CATSPERE: variants seen among roughly 807,000 people sequenced by gnomAD.
CATSPERE encodes the protein cation channel sperm-associated auxiliary subunit epsilon.
CATSPERE carries 93 observed loss-of-function variants against 114.1 expected under a neutral mutation model. That is an observed-to-expected ratio of 0.81 (90% CI 0.69 to 0.97). CATSPERE has a LOEUF of 0.97. Among genes scored for constraint, CATSPERE ranks in the 50% least tolerant of loss-of-function variants. The pLI, the probability that CATSPERE is intolerant of heterozygous loss-of-function variation, is 0.00. For missense variants in CATSPERE, 1,058 were observed against 1,131.6 expected (o/e 0.93, Z 0.93); for synonymous variants, 341 against 384.1 (o/e 0.89, Z 1.31).
intron 20 of CATSPERE, among the ~76,000 whole-genome samples, chr1:244,625,539 C>G (rs1673076744): frequency 6.8e-6 from 1 of 146,968 alleles, no homozygotes; most frequent in Non-Finnish European, 1.5e-5. Context: ...AGCAATTCTC[C>G]TGCCTCAGCC....
intron 20 of CATSPERE, among the ~76,000 whole-genome samples, chr1:244,629,503 C>CTTTTTTTTT (rs369560104): frequency 1.2e-5 from 1 of 82,326 alleles, no homozygotes; most frequent in Non-Finnish European, 2.3e-5. Flanking sequence ...TCTCTCTTAC[C>CTTTTTTTTT]TTTTTTTTTT....
intron 1 of CATSPERE, among the ~76,000 whole-genome samples, chr1:244,455,708 T>A (rs1423805876): frequency 6.6e-6 from 1 of 152,142 alleles, no homozygotes; most frequent in East Asian, 1.9e-4. Context: ...TTGTTTTGCC[T>A]ATCTTAATGT....
At chr1:244,602,406 G>T (rs1165181199) in intron 17 of CATSPERE, among the ~76,000 whole-genome samples, 1 of 152,188 alleles carries the variant, frequency 6.6e-6, no homozygotes, top group Admixed American at 6.5e-5. Context: ...TTGAGAATCA[G>T]CGGCAGGGGT....
At chr1:244,494,280 T>G (rs1672726585) in intron 6 of CATSPERE, among the ~76,000 whole-genome samples, 2 of 151,412 alleles carry the variant, frequency 1.3e-5, no homozygotes, top group South Asian at 4.2e-4. Flanking sequence ...CCATAAAAAA[T>G]GAAGAATTCA....
At chr1:244,583,764 T>A in intron 12 of CATSPERE, 100 bp from the exon 13 acceptor site, 1 of 1,053,668 alleles carries the variant, frequency 9.5e-7, no homozygotes, top group Non-Finnish European at 1.4e-6. Context: ...GGGAGGTCAA[T>A]CACACCGTGC....
At chr1:244,498,950 A>G in intron 6 of CATSPERE, 52 bp from the exon 7 acceptor site, 2 of 1,410,288 alleles carry the variant, frequency 1.4e-6, no homozygotes, top group Non-Finnish European at 2.0e-6. Flanking sequence ...CCACAACTAA[A>G]AAAGAAATTT....
Position 244,607,342 on chromosome 1 carries a change from G to A in CATSPERE, c.2403+1548G>A, listed in dbSNP as rs74602269. Among the ~76,000 whole-genome samples, 1,058 of 152,288 alleles carry A rather than the reference G, an allele frequency of 6.9e-3. 6 individuals carry two copies. Among genetic ancestry groups the A allele is most frequent in the Non-Finnish European group, 9.0e-3 (609 of 68,022 alleles). On this transcript the variant is annotated intron_variant, in intron 18 of 21. Coordinates refer to ENST00000366534, the MANE Select transcript of CATSPERE (RefSeq NM_001130957.2). The surrounding 1 kb of genome is among the most constrained non-coding windows in gnomAD (Gnocchi z 4.4). The stretch of plus-strand genomic sequence containing the variant: ...ACTCTAAGTAAAACTCCATTTGTTT[G>A]AGGCTCCTGCCATTCAGTTGACATC...
intron 10 of CATSPERE, among the ~76,000 whole-genome samples, chr1:244,564,734 T>C (rs1236944496): frequency 6.6e-6 from 1 of 152,210 alleles, no homozygotes; most frequent in East Asian, 1.9e-4. Context: ...TTGAATACCC[T>C]TTATTTCTTT....
chr1:244,477,563 C>T lies in CATSPERE; in HGVS notation c.137C>T (p.Thr46Ile), dbSNP rs1265316735. 6.3e-7 allele frequency: 1 copy of T among 1,597,618 alleles called. No homozygotes were observed. The highest frequency in any genetic ancestry group is 1.7e-5 in the Admixed American group (1 of 59,568). Residue 46 changes from threonine to isoleucine, a missense_variant, in exon 3 of 22, where the codon ACA (threonine) becomes ATA (isoleucine). By Grantham distance (89) the Thr-to-Ile change is moderately conservative (BLOSUM62 -1). Transcript: ENST00000366534. ...TAGATTAAGTTAGAGTATGAAGGAACATTATTTACTGAGTGGAGTGTGCCA... is the reference window on the plus strand; with the variant it reads ...TAGATTAAGTTAGAGTATGAAGGAATATTATTTACTGAGTGGAGTGTGCCA... ...RSTIKLEYEG[T>I]LFTEWSVPET...
At chr1:244,615,479 C>T (rs750965034) in intron 19 of CATSPERE, among the ~76,000 whole-genome samples, 29 of 151,440 alleles carry the variant, frequency 1.9e-4, no homozygotes, top group Non-Finnish European at 3.7e-4. Flanking sequence ...CTTACACAAA[C>T]GTAGGCGGTG....
At chr1:244,601,937 G>A (rs954974831) in intron 17 of CATSPERE, among the ~76,000 whole-genome samples, 9 of 151,968 alleles carry the variant, frequency 5.9e-5, no homozygotes, top group Non-Finnish European at 1.3e-4. Context: ...CTGGGCAACA[G>A]AGCGAAACGG....
intron 21 of CATSPERE, 23 bp downstream of exon 21, chr1:244,635,565 AC>A: frequency 6.3e-7 from 1 of 1,582,864 alleles, no homozygotes; most frequent in Non-Finnish European, 8.7e-7. Flanking sequence ...GCCTAACTGG[AC>A]TTTAATTAGG....
At chr1:244,548,764 G>T (rs1660146484) in intron 8 of CATSPERE, among the ~76,000 whole-genome samples, 1 of 152,168 alleles carries the variant, frequency 6.6e-6, no homozygotes, top group South Asian at 2.1e-4. Flanking sequence ...ACCTTGAACG[G>T]CTGAGCAAGG....
chr1:244,513,076 G>A (rs1190564323), intron 7 of CATSPERE, among the ~76,000 whole-genome samples: 2 of 152,188 alleles, frequency 1.3e-5, no homozygotes, highest in South Asian at 2.1e-4. Context: ...TGGCTTGCTT[G>A]AGTGCTGGCA....
At chr1:244,613,089 G>A (rs1016743530) in intron 19 of CATSPERE, among the ~76,000 whole-genome samples, 1 of 152,102 alleles carries the variant, frequency 6.6e-6, no homozygotes, top group Non-Finnish European at 1.5e-5. Flanking sequence ...AATGATACAA[G>A]GCTATTAGGT....
chr1:244,532,116 A>T (rs1679706716), intron 8 of CATSPERE, among the ~76,000 whole-genome samples: 1 of 152,168 alleles, frequency 6.6e-6, no homozygotes, highest in Admixed American at 6.5e-5. Flanking sequence ...ATTGGCATAT[A>T]GTTGCTCATA....
chr1:244,589,312 G>A (rs1667420563), intron 14 of CATSPERE, among the ~76,000 whole-genome samples: 1 of 152,092 alleles, frequency 6.6e-6, no homozygotes, highest in African/African-American at 2.4e-5. Context: ...CTACTCCTCT[G>A]TCATTCTAAT....
intron 20 of CATSPERE, among the ~76,000 whole-genome samples, chr1:244,623,061 T>TATTTATTTATTTA (rs1295095430): frequency 1.4e-5 from 2 of 147,002 alleles, no homozygotes; most frequent in Non-Finnish European, 3.0e-5. Context: ...GTCTTATTTT[T>TATTTATTTATTTA]ATTTATTTAT....
chr1:244,495,395 A>G (rs1672926048), intron 6 of CATSPERE, among the ~76,000 whole-genome samples: 1 of 152,192 alleles, frequency 6.6e-6, no homozygotes, highest in South Asian at 2.1e-4. Flanking sequence ...AAGGGAGCTG[A>G]AACTAACCTC....
Sources: allele counts gnomAD v4.1 joint callset (sites outside exome capture counted in the v4.1 genomes callset), GRCh38; gene constraint gnomAD v4.1.1; non-coding constraint Gnocchi (gnomAD v3.1); transcripts MANE v1.5; gene names NCBI Gene and HGNC (gene_info 2026-07-23, HGNC 2026-07-21).